NOL4L: variants seen among roughly 807,000 people sequenced by gnomAD.
The protein encoded by NOL4L is nucleolar protein 4 like.
NOL4L carries 7 observed loss-of-function variants against 64.5 expected under a neutral mutation model. The ratio of observed to expected loss-of-function variants is 0.11; its 90% confidence interval spans 0.06 to 0.20. The LOEUF (loss-of-function observed/expected upper bound fraction) is 0.20, where lower values mean the gene tolerates loss of function less well. Ranked by LOEUF, NOL4L falls within the 10% of genes least tolerant of loss-of-function variation. NOL4L has a pLI of 1.00. For synonymous variants in NOL4L, 413 were observed against 401.0 expected (o/e 1.03, Z -0.36); for missense variants, 680 against 967.1 (o/e 0.70, Z 3.94).
chr20:32,505,060 TC>T (rs1200100960), intron 4 of NOL4L, among the ~76,000 whole-genome samples: 1 of 152,210 alleles, frequency 6.6e-6, no homozygotes, highest in Non-Finnish European at 1.5e-5. Flanking sequence ...GCTATCAGGC[TC>T]CTAAACATGG....
chr20:32,465,750 A>G (rs1418720165), intron 5 of NOL4L, among the ~76,000 whole-genome samples: 1 of 152,212 alleles, frequency 6.6e-6, no homozygotes, highest in East Asian at 1.9e-4. Flanking sequence ...GGTGCATTGC[A>G]GTCCTTAGGT....
At chr20:32,531,810 C>T (rs1366473654) in intron 1 of NOL4L, among the ~76,000 whole-genome samples, 1 of 152,202 alleles carries the variant, frequency 6.6e-6, no homozygotes, top group Non-Finnish European at 1.5e-5. Flanking sequence ...TGAGTCTGGA[C>T]ATTTTGTGTT....
intron 1 of NOL4L, among the ~76,000 whole-genome samples, chr20:32,580,307 G>A (rs760696933): frequency 5.3e-5 from 8 of 152,092 alleles, no homozygotes; most frequent in Admixed American, 1.3e-4. Context: ...GGTGACCCCC[G>A]AAACAGCCGC....
At chr20:32,564,471 C>T (rs1230562194) in intron 1 of NOL4L, among the ~76,000 whole-genome samples, 2 of 152,244 alleles carry the variant, frequency 1.3e-5, no homozygotes, top group Non-Finnish European at 2.9e-5. Context: ...GATTAGAACT[C>T]AGCCCATCTC....
At chr20:32,473,597 C>CT (rs1378756831) in intron 5 of NOL4L, among the ~76,000 whole-genome samples, 1 of 152,236 alleles carries the variant, frequency 6.6e-6, no homozygotes, top group African/African-American at 2.4e-5. Flanking sequence ...GGATTCAGGC[C>CT]TTCGGGAGGC....
chr20:32,490,888 G>C (rs1329782570), intron 4 of NOL4L, among the ~76,000 whole-genome samples: 1 of 152,204 alleles, frequency 6.6e-6, no homozygotes, highest in Non-Finnish European at 1.5e-5. Context: ...TCTGGCGTTG[G>C]AGGCCCCACT....
Position 32,552,017 on chromosome 20 carries a change from T to C in NOL4L, c.322-24104A>G, listed in dbSNP as rs148181295. 5.4e-3 allele frequency among the ~76,000 whole-genome samples: 829 copies of C among 152,276 alleles called. 5 individuals carry two copies. Among genetic ancestry groups the C allele is most frequent in the African/African-American group, 0.019 (787 of 41,550 alleles). ...ATTGCACAGGCTGGTCTTGAACTCCTGGGCTCAAGTGATCCTCCTGCCTTC... is the reference window on the plus strand; with the variant it reads ...ATTGCACAGGCTGGTCTTGAACTCCCGGGCTCAAGTGATCCTCCTGCCTTC... On this transcript the variant is annotated intron_variant, in intron 1 of 10. Transcript: ENST00000621426.
chr20:32,535,493 G>A lies in NOL4L; in HGVS notation c.322-7580C>T. ...CAACTGTTAGCGCGTAGCTGCCGCCGCCACCGCCACCACCGAGTCGCACCT... is the reference window on the plus strand; with the variant it reads ...CAACTGTTAGCGCGTAGCTGCCGCCACCACCGCCACCACCGAGTCGCACCT... On this transcript the variant is annotated intron_variant, in intron 1 of 10. Transcript: ENST00000621426. 6.8e-6 allele frequency: 5 copies of A among 733,180 alleles called. No individual in the cohort carries two copies. The African/African-American group carries it at 7.7e-5, about 11-fold the overall frequency. 45.4% of individuals were successfully genotyped at this position (733,180 alleles called of 1,614,324 possible).
chr20:32,544,112 G>C (rs535755021), intron 1 of NOL4L, among the ~76,000 whole-genome samples: 2 of 152,260 alleles, frequency 1.3e-5, no homozygotes, highest in African/African-American at 4.8e-5. Context: ...AAGCAGGCGG[G>C]TGACACCATC....
intron 1 of NOL4L, chr20:32,537,132 G>C: frequency 1.0e-6 from 1 of 985,194 alleles, no homozygotes; most frequent in Non-Finnish European, 1.2e-6. Flanking sequence ...CTCTCCTTCA[G>C]GGAGCGCCCG....
chr20:32,486,260 C>T (rs2016082210), intron 4 of NOL4L, among the ~76,000 whole-genome samples: 1 of 152,164 alleles, frequency 6.6e-6, no homozygotes, highest in Non-Finnish European at 1.5e-5. Flanking sequence ...TTAAAGTGGC[C>T]ACAGCATGAG....
In NOL4L at chr20:32,511,392, G is replaced by A. The variant is rs774466308; in HGVS notation, c.654C>T (p.Thr218=). The change falls in exon 4 of 11, where the codon ACC becomes ACT. Residue 218 remains threonine, a synonymous_variant. Coordinates refer to ENST00000621426, the MANE Select transcript of NOL4L (RefSeq NM_001256798.2). The part of the protein sequence containing the change: ...IIDYNMPLTS[T]YLKQMKLRVM... ...CTCGAAGCTTCATCTGCTTCAGGTA[G>A]GTGGAGGTGAGGGGCATGTTGTAAT... 25 of 1,550,444 alleles carry A rather than the reference G, an allele frequency of 1.6e-5. No individual in the cohort carries two copies. Among genetic ancestry groups the A allele is most frequent in the Admixed American group, 5.9e-5 (3 of 50,986 alleles).
At chr20:32,538,328 C>A (rs1286190930) in intron 1 of NOL4L, among the ~76,000 whole-genome samples, 2 of 152,146 alleles carry the variant, frequency 1.3e-5, no homozygotes, top group African/African-American at 4.8e-5. Flanking sequence ...GGGGTGCACA[C>A]CAAGGAGGGG....
chr20:32,582,371 C>T (rs932430253), intron 1 of NOL4L, among the ~76,000 whole-genome samples: 1 of 152,132 alleles, frequency 6.6e-6, no homozygotes, highest in African/African-American at 2.4e-5. Context: ...AGCGGGTCAG[C>T]GTGGGTCTCA....
chr20:32,559,807 C>T lies in NOL4L; in HGVS notation c.321+24763G>A, dbSNP rs112679429. Among the ~76,000 whole-genome samples, 238 of 152,354 alleles carry T rather than the reference C, an allele frequency of 1.6e-3. 1 individual carries two copies. Among genetic ancestry groups the T allele is most frequent in the African/African-American group, 5.5e-3 (229 of 41,592 alleles). On this transcript the variant is annotated intron_variant, in intron 1 of 10. Coordinates refer to ENST00000621426, the MANE Select transcript of NOL4L (RefSeq NM_001256798.2). ...AGCTGGCTGCCGCCCTCCTCCCAGGCGTGGGCATCCCTCTCGCCTGAGTGG... is the reference window on the plus strand; with the variant it reads ...AGCTGGCTGCCGCCCTCCTCCCAGGTGTGGGCATCCCTCTCGCCTGAGTGG...
At chr20:32,576,062 T>A (rs1369987585) in intron 1 of NOL4L, among the ~76,000 whole-genome samples, 1 of 152,086 alleles carries the variant, frequency 6.6e-6, no homozygotes, top group Non-Finnish European at 1.5e-5. Flanking sequence ...TTGAGAGCAG[T>A]GGGCAGCCAG....
intron 4 of NOL4L, chr20:32,475,010 G>A (rs185101729): frequency 9.1e-6 from 9 of 985,412 alleles, no homozygotes; most frequent in Admixed American, 6.1e-5. Context: ...CTGCAGGGGC[G>A]GATGGCAGGG....
intron 5 of NOL4L, among the ~76,000 whole-genome samples, chr20:32,458,210 G>A (rs2013734458): frequency 6.6e-6 from 1 of 152,144 alleles, no homozygotes; most frequent in South Asian, 2.1e-4. Flanking sequence ...CACAGCCACT[G>A]GCACTCTCAG....
chr20:32,445,637 G>C lies in NOL4L; in HGVS notation c.*1959C>G, dbSNP rs1214626158. On this transcript the variant is annotated 3_prime_UTR_variant, in exon 11 of 11. Transcript: ENST00000621426. ...ATGGCTGGGGTGTGGGAGAGGCCTT[G>C]GGCACTGGAGGTTGTGCTGTGCTAA... 6.6e-6 allele frequency: 1 copy of C among 152,368 alleles called. No individual in the cohort carries two copies. Among genetic ancestry groups the C allele is most frequent in the Non-Finnish European group, 1.5e-5 (1 of 68,146 alleles). 9.4% of individuals were successfully genotyped at this position (152,368 alleles called of 1,614,324 possible). A position where few individuals can be genotyped will look rare whatever the true frequency, so the allele number is the denominator to read the frequency against.
Sources: allele counts gnomAD v4.1 joint callset (sites outside exome capture counted in the v4.1 genomes callset), GRCh38; gene constraint gnomAD v4.1.1; transcripts MANE v1.5; gene names NCBI Gene and HGNC (gene_info 2026-07-23, HGNC 2026-07-21).